The following TRIM42 variants were observed in gnomAD, a reference collection of about 807,000 sequenced individuals.
The protein encoded by TRIM42 is tripartite motif containing 42.
In TRIM42, 59 loss-of-function variants were observed where a neutral mutation model predicts 64.9. The ratio of observed to expected loss-of-function variants is 0.91; its 90% CI spans 0.74 to 1.13. The LOEUF (loss-of-function observed/expected upper bound fraction) is 1.13, where lower values mean the gene tolerates loss of function less well. Among genes scored for constraint, TRIM42 ranks in the 50% most tolerant of loss-of-function variants. TRIM42 has a pLI of 0.00. For synonymous variants in TRIM42, 354 were observed against 346.3 expected, an observed-to-expected ratio of 1.02 and a Z score of -0.25; for missense variants, 878 against 929.5, an observed-to-expected ratio of 0.94 and a Z score of 0.72.
intron 4 of TRIM42, among the ~76,000 whole-genome samples, chr3:140,695,973 G>A (rs1366597443): frequency 2.6e-5 from 4 of 152,192 alleles, no homozygotes; most frequent in Non-Finnish European, 5.9e-5. Context: ...CATGTAAGCA[G>A]AACCCTGTTG....
chr3:140,685,141 C>T (rs183765669), intron 2 of TRIM42, among the ~76,000 whole-genome samples: 2 of 152,274 alleles, frequency 1.3e-5, no homozygotes, highest in South Asian at 2.1e-4. Flanking sequence ...CAAACTTGTT[C>T]GTGAGCATTT....
At chr3:140,700,356 A>G (rs1988966576) in intron 4 of TRIM42, among the ~76,000 whole-genome samples, 1 of 152,204 alleles carries the variant, frequency 6.6e-6, no homozygotes, top group Admixed American at 6.5e-5. Flanking sequence ...ATTATATTAT[A>G]TTATAGTTCT....
Position 140,687,915 on chromosome 3 carries a change from ATATGTGTATGT to A in TRIM42, c.1236_1246del (p.Val413AsnfsTer48). The A allele has an allele frequency of 6.2e-7, 1 of 1,614,210 alleles. No individual in the cohort carries two copies. The highest frequency in any genetic ancestry group is 8.5e-7 in the Non-Finnish European group (1 of 1,180,034). Reference sequence around the variant, plus strand: ...TGTCCAGGCAGAAGGAAATTGAAAAATATGTGTATGTTACAACCATGAAAGTGAACGAGATG... The same window carrying A: ...TGTCCAGGCAGAAGGAAATTGAAAAATACAACCATGAAAGTGAACGAGATG... On this transcript the variant is annotated frameshift_variant, in exon 3 of 5. Transcript: ENST00000286349. LOFTEE classifies it high-confidence loss of function.
Position 140,682,820 on chromosome 3 carries a change from G to A in TRIM42, c.700G>A (p.Gly234Arg), listed in dbSNP as rs745628012. Residue 234 changes from glycine (G) to arginine (R), a missense_variant, in exon 2 of 5, where the codon GGG becomes AGG. By Grantham distance (125) the Gly-to-Arg change is moderately radical. Coordinates refer to ENST00000286349, the MANE Select transcript of TRIM42 (RefSeq NM_152616.5). Reference sequence around the variant, plus strand: ...CAAGTGGCGCTTTGACCGCTCCTCCGGGCCCATCCTCTGCCAGGTCTGCCG... The same window carrying A: ...CAAGTGGCGCTTTGACCGCTCCTCCAGGCCCATCCTCTGCCAGGTCTGCCG... ...YLKWRFDRSS[G>R]PILCQVCRNK... is the part of the protein sequence containing the mutation. The A allele has an allele frequency of 1.9e-6, 3 of 1,613,948 alleles. No homozygotes were observed. The highest frequency in any genetic ancestry group is 1.1e-5 in the South Asian group (1 of 91,076).
chr3:140,682,207 C>T (rs1252319397), intron 1 of TRIM42, among the ~76,000 whole-genome samples: 1 of 152,192 alleles, frequency 6.6e-6, no homozygotes, highest in Non-Finnish European at 1.5e-5. Flanking sequence ...TTTTAATCTT[C>T]TCAAGAAACT....
chr3:140,687,315 C>T (rs1988567764), intron 2 of TRIM42, among the ~76,000 whole-genome samples: 1 of 152,212 alleles, frequency 6.6e-6, no homozygotes, highest in African/African-American at 2.4e-5. Context: ...AGTTCTTCCT[C>T]TTACCACTGC....
chr3:140,692,562 C>CACACACACGCACACACACACACAG, intron 4 of TRIM42, among the ~76,000 whole-genome samples: 1 of 114,118 alleles, frequency 8.8e-6, no homozygotes, highest in Non-Finnish European at 1.9e-5. Flanking sequence ...CACACACACA[C>CACACACACGCACACACACACACAG]AGAGAGAGAT....
rs1988985151 is a variant in TRIM42, at chr3:140,700,935, G to C, written c.2133G>C (p.Leu711=). ...GGAAGAACCGAGCTAAGTGGGGCCT[G>C]CTGAAGAATATCCAGTCTGCCCTCC... ...GHGKNRAKWG[L]LKNIQSALQK... is the part of the protein sequence containing the mutation. The change falls in exon 5 of 5, where the codon CTG becomes CTC. Residue 711 remains leucine, a synonymous_variant. Coordinates refer to ENST00000286349, the MANE Select transcript of TRIM42 (RefSeq NM_152616.5). The C allele has an allele frequency of 6.2e-7, 1 of 1,614,106 alleles. No individual in the cohort carries two copies.
At position 140,694,389 on chromosome 3, in the gene TRIM42, G is replaced by C. The variant is rs979244985; in HGVS notation, c.2085+3197G>C. On this transcript the variant is annotated intron_variant, in intron 4 of 4. Transcript: ENST00000286349. ...AAGAGCCTAATTAATATTTTTGAAG[G>C]GTAGAGAAATGTGTTTTTAGGTAAG... is the stretch of plus-strand genomic sequence containing the variant. 2.5e-4 allele frequency among the ~76,000 whole-genome samples: 38 copies of C among 152,088 alleles called. 1 individual carries two copies. Among genetic ancestry groups the C allele is most frequent in the Non-Finnish European group, 1.5e-5 (1 of 68,000 alleles).
At chr3:140,691,290 G>A in intron 4 of TRIM42, 98 bp downstream of exon 4, 1 of 1,021,794 alleles carries the variant, frequency 9.8e-7, no homozygotes, top group Non-Finnish European at 1.5e-6. Context: ...AACTCACTAT[G>A]GGACTCTTCC....
Position 140,682,854 on chromosome 3 carries a change from GCATCGCTTA to G in TRIM42, c.737_745del (p.Ile246_Tyr248del). 6.2e-7 allele frequency: 1 copy of G among 1,614,128 alleles called. No individual in the cohort carries two copies. Among genetic ancestry groups the G allele is most frequent in the East Asian group, 2.2e-5 (1 of 44,874 alleles). Reference sequence around the variant, plus strand: ...CTCTGCCAGGTCTGCCGCAACAAGCGCATCGCTTACAAGCGCTGCATCACCTGCCGCCTC... The same window carrying G: ...CTCTGCCAGGTCTGCCGCAACAAGCGCAAGCGCTGCATCACCTGCCGCCTC... On this transcript the variant is annotated inframe_deletion, in exon 2 of 5. Coordinates refer to ENST00000286349, the MANE Select transcript of TRIM42 (RefSeq NM_152616.5).
chr3:140,689,915 A>G (rs1988662706), intron 3 of TRIM42, among the ~76,000 whole-genome samples: 1 of 151,858 alleles, frequency 6.6e-6, no homozygotes, highest in Admixed American at 6.6e-5. Context: ...GAGGATTGCT[A>G]GTATCTGCTC....
intron 4 of TRIM42, among the ~76,000 whole-genome samples, chr3:140,692,563 A>ACACACACACACACACACACACAGC (rs1553763787): frequency 2.5e-5 from 1 of 40,268 alleles, no homozygotes; most frequent in Non-Finnish European, 7.3e-5. Context: ...ACACACACAC[A>ACACACACACACACACACACACAGC]GAGAGAGATA....
At chr3:140,683,718 A>G (rs1226943892) in intron 2 of TRIM42, among the ~76,000 whole-genome samples, 2 of 152,242 alleles carry the variant, frequency 1.3e-5, no homozygotes, top group Non-Finnish European at 2.9e-5. Flanking sequence ...GCAGATGCCA[A>G]AGTAAATAAA....
At chr3:140,685,395 A>C (rs529335368) in intron 2 of TRIM42, among the ~76,000 whole-genome samples, 91 of 152,336 alleles carry the variant, frequency 6.0e-4, no homozygotes, top group African/African-American at 2.0e-3. Context: ...AGAACCACTG[A>C]AATAAAGGGA....
chr3:140,687,878 A>G lies in TRIM42; in HGVS notation c.1196A>G (p.Glu399Gly), dbSNP rs1988589162. 1 of 1,614,230 alleles carries G rather than the reference A, an allele frequency of 6.2e-7. No individual in the cohort carries two copies. The highest frequency in any genetic ancestry group is 8.5e-7 in the Non-Finnish European group (1 of 1,180,042). The change falls in exon 3 of 5, where the codon GAG (glutamate) becomes GGG (glycine). Residue 399 changes from glutamate to glycine, a missense_variant. Coordinates refer to ENST00000286349, the MANE Select transcript of TRIM42 (RefSeq NM_152616.5). ...EKEKIIMEQI[E>G]NLEVSRQKEI... ...GAGAAGATCATCATGGAGCAGATAG[A>G]GAATCTAGAAGTGTCCAGGCAGAAG...
At chr3:140,684,289 G>A (rs1988494565) in intron 2 of TRIM42, among the ~76,000 whole-genome samples, 1 of 152,124 alleles carries the variant, frequency 6.6e-6, no homozygotes, top group South Asian at 2.1e-4. Flanking sequence ...ATATTCATTT[G>A]ACAATCTACT....
chr3:140,697,785 G>T (rs1322883612), intron 4 of TRIM42, among the ~76,000 whole-genome samples: 1 of 152,290 alleles, frequency 6.6e-6, no homozygotes, highest in Admixed American at 6.5e-5. Flanking sequence ...CTGGGTTCAC[G>T]CCATTCTCCT....
rs771486420 is a variant in TRIM42, at chr3:140,682,481, A to C, written c.361A>C (p.Thr121Pro). Residue 121 changes from threonine to proline, a missense_variant, in exon 2 of 5, where the codon ACT becomes CCT. Physicochemically the swap from Thr to Pro is conservative, Grantham distance 38. Coordinates refer to ENST00000286349, the MANE Select transcript of TRIM42 (RefSeq NM_152616.5). ...IHTSSKTALR[T>P]GSSDTQVDEV... ...TTTCAGCTCCAAGACTGCCCTGCGC[A>C]CTGGGAGCAGCGATACCCAGGTGGA... The C allele has an allele frequency of 1.9e-6, 3 of 1,613,902 alleles. No homozygotes were observed. In the South Asian group the frequency reaches 3.3e-5, roughly 18 times the overall value.
Sources: allele counts gnomAD v4.1 joint callset (sites outside exome capture counted in the v4.1 genomes callset), GRCh38; gene constraint gnomAD v4.1.1; transcripts MANE v1.5; gene names NCBI Gene and HGNC (gene_info 2026-07-23, HGNC 2026-07-21).